PHLDB2: variants seen among roughly 807,000 people sequenced by gnomAD.
PHLDB2 encodes pleckstrin homology like domain family B member 2, also known as pleckstrin homology-like domain family B member 2.
A neutral mutation model predicts 123.6 loss-of-function variants in PHLDB2; 71 were observed. The observed-to-expected ratio is 0.57, with a 90% CI of 0.47 to 0.70. The LOEUF (loss-of-function observed/expected upper bound fraction) is 0.70, where lower values mean the gene tolerates loss of function less well. PHLDB2 is among the 30% of genes least tolerant of loss of function. The pLI, the probability that PHLDB2 is intolerant of heterozygous loss-of-function variation, is 0.00. For synonymous variants in PHLDB2, 547 were observed against 541.6 expected (o/e 1.01, Z -0.14); for missense variants, 1,446 against 1,519.5 (o/e 0.95, Z 0.80).
chr3:111,944,602 C>T (rs2070163091), intron 8 of PHLDB2, among the ~76,000 whole-genome samples: 1 of 152,132 alleles, frequency 6.6e-6, no homozygotes, highest in African/African-American at 2.4e-5. Context: ...TGTGATATTA[C>T]ATCATCAACA....
chr3:111,903,270 A>G (rs2067305730), intron 2 of PHLDB2, among the ~76,000 whole-genome samples: 1 of 152,226 alleles, frequency 6.6e-6, no homozygotes, highest in Non-Finnish European at 1.5e-5. Context: ...AGGGTGAAGT[A>G]TGTGTCCTTA....
intron 12 of PHLDB2, among the ~76,000 whole-genome samples, chr3:111,961,484 C>T (rs908649570): frequency 7.2e-5 from 11 of 152,042 alleles, no homozygotes; most frequent in African/African-American, 2.7e-4. Context: ...GGAGCACAGT[C>T]ATTGGAAGGA....
chr3:111,815,184 T>C (rs1250810211), intron 1 of PHLDB2, among the ~76,000 whole-genome samples: 2 of 152,130 alleles, frequency 1.3e-5, no homozygotes, highest in Non-Finnish European at 2.9e-5. Context: ...CCACTTTCTT[T>C]GGTAAATTGC....
At chr3:111,855,450 G>A (rs574683994), upstream of PHLDB2, among the ~76,000 whole-genome samples, 31 of 144,558 alleles carry the variant, frequency 2.1e-4, no homozygotes, top group South Asian at 9.0e-4. Flanking sequence ...TCCCCCTCCC[G>A]CGCTTCCCTC....
chr3:111,830,777 C>T (rs1444302084), intron 1 of PHLDB2, among the ~76,000 whole-genome samples: 1 of 122,494 alleles, frequency 8.2e-6, no homozygotes, highest in Admixed American at 9.9e-5. Context: ...CCACTGCACT[C>T]CAGCCTGGGC....
At chr3:111,742,633 T>C (rs1576491021) in intron 1 of PHLDB2, among the ~76,000 whole-genome samples, 1 of 152,162 alleles carries the variant, frequency 6.6e-6, no homozygotes, top group Non-Finnish European at 1.5e-5. Context: ...CTACAAAGGA[T>C]ATGAACTCGT....
intron 1 of PHLDB2, among the ~76,000 whole-genome samples, chr3:111,786,921 A>C (rs757179986): frequency 4.6e-5 from 7 of 152,214 alleles, no homozygotes; most frequent in Non-Finnish European, 7.3e-5. Context: ...TGTCCTATTG[A>C]GAGCCTCAGA....
upstream of PHLDB2, among the ~76,000 whole-genome samples, chr3:111,857,329 T>G (rs1321979290): frequency 1.3e-5 from 2 of 151,822 alleles, no homozygotes; most frequent in Non-Finnish European, 2.9e-5. Flanking sequence ...TCTGCACCTG[T>G]GGTCCCAGCT....
chr3:111,944,170 A>C (rs1353997482), intron 8 of PHLDB2, among the ~76,000 whole-genome samples: 2 of 152,202 alleles, frequency 1.3e-5, no homozygotes, highest in Non-Finnish European at 2.9e-5. Context: ...GTAGGCAAAC[A>C]CTTTATAACA....
chr3:111,949,971 T>C (rs2070599655), intron 10 of PHLDB2: 16 of 925,898 alleles, frequency 1.7e-5, no homozygotes, highest in Non-Finnish European at 1.8e-5. Context: ...TCTTCTACTT[T>C]CCCAAAGGCA....
chr3:111,845,910 T>C (rs1459807411), exon 2 of PHLDB2: 2 of 1,614,064 alleles, frequency 1.2e-6, no homozygotes, highest in African/African-American at 1.3e-5. Flanking sequence ...CCAAGGAAGA[T>C]GGAGTTGGTG....
chr3:111,929,789 TAAAC>T (rs1175854505), intron 5 of PHLDB2, among the ~76,000 whole-genome samples: 1 of 152,178 alleles, frequency 6.6e-6, no homozygotes, highest in African/African-American at 2.4e-5. Context: ...GCATTACTGA[TAAAC>T]AGAGAAGCTG....
intron 1 of PHLDB2, among the ~76,000 whole-genome samples, chr3:111,804,906 A>G (rs1002444387): frequency 6.6e-6 from 1 of 152,232 alleles, no homozygotes; most frequent in African/African-American, 2.4e-5. Context: ...ACAATAGAAC[A>G]ATATCAAGTT....
upstream of PHLDB2, among the ~76,000 whole-genome samples, chr3:111,856,001 G>A (rs1256705571): frequency 3.3e-5 from 5 of 152,132 alleles, no homozygotes; most frequent in Admixed American, 3.3e-4. Flanking sequence ...ATGGCCTTAT[G>A]AAAGCTATTG....
At chr3:111,954,874 G>T (rs1386778210) in intron 12 of PHLDB2, among the ~76,000 whole-genome samples, 1 of 152,148 alleles carries the variant, frequency 6.6e-6, no homozygotes, top group Non-Finnish European at 1.5e-5. Context: ...GATATAAATG[G>T]AAATGCTTTG....
chr3:111,793,307 G>A (rs1461529133), intron 1 of PHLDB2, among the ~76,000 whole-genome samples: 2 of 152,014 alleles, frequency 1.3e-5, no homozygotes, highest in Admixed American at 1.3e-4. Context: ...TCTTCCCATG[G>A]CCACCACTGC....
At chr3:111,858,074 A>G (rs902239667), upstream of PHLDB2, among the ~76,000 whole-genome samples, 1 of 152,248 alleles carries the variant, frequency 6.6e-6, no homozygotes, top group East Asian at 1.9e-4. Flanking sequence ...TCAATGATAG[A>G]CTGGATGAAG....
chr3:111,973,930 G>A, intron 17 of PHLDB2, 113 bp downstream of exon 17: 1 of 609,110 alleles, frequency 1.6e-6, no homozygotes, highest in Non-Finnish European at 2.9e-6. Flanking sequence ...AGATAGATAT[G>A]ATCAGAATGG....
At chr3:111,848,102 G>C (rs1272759882) in intron 2 of PHLDB2, among the ~76,000 whole-genome samples, 1 of 152,130 alleles carries the variant, frequency 6.6e-6, no homozygotes, top group Non-Finnish European at 1.5e-5. Context: ...CTTCCCCCGT[G>C]TACATTCCTA....
Sources: allele counts gnomAD v4.1 joint callset (sites outside exome capture counted in the v4.1 genomes callset), GRCh38; gene constraint gnomAD v4.1.1; transcripts MANE v1.5; gene names NCBI Gene and HGNC (gene_info 2026-07-23, HGNC 2026-07-21).